MBD5: variants seen among roughly 807,000 people sequenced by gnomAD.
The protein encoded by MBD5 is methyl-CpG-binding domain protein 5.
MBD5 carries 13 observed loss-of-function variants against 117.3 expected under a neutral mutation model. That is an observed-to-expected ratio of 0.11 (90% CI 0.07 to 0.18). MBD5 has a LOEUF of 0.18. Ranked by LOEUF, MBD5 falls within the 10% of genes least tolerant of loss-of-function variation. The probability of loss-of-function intolerance (pLI) is 1.00; values close to 1 mark genes in which losing one functional copy is unlikely to be tolerated. For synonymous variants in MBD5, 727 were observed against 766.4 expected (o/e 0.95, Z 0.85); for missense variants, 1,879 against 2,093.8 (o/e 0.90, Z 2.00).
chr2:148,023,552 C>T (rs1693823804), intron 1 of MBD5, among the ~76,000 whole-genome samples: 1 of 152,124 alleles, frequency 6.6e-6, no homozygotes, highest in African/African-American at 2.4e-5. Context: ...AAGTTTTTCT[C>T]CCAACATCAA....
intron 11 of MBD5, 51 bp from the exon 12 acceptor site, chr2:148,502,385 T>G: frequency 6.4e-7 from 1 of 1,563,084 alleles, no homozygotes; most frequent in Non-Finnish European, 8.8e-7. Flanking sequence ...AAACCGTGTT[T>G]AACAATTACA....
intron 3 of MBD5, among the ~76,000 whole-genome samples, chr2:148,245,413 G>A (rs973409491): frequency 6.6e-6 from 1 of 151,956 alleles, no homozygotes; most frequent in East Asian, 1.9e-4. Flanking sequence ...TTTTAATAGA[G>A]ATAGGACAAA....
chr2:148,436,375 T>G (rs115266252), intron 4 of MBD5, among the ~76,000 whole-genome samples: 5,059 of 152,212 alleles, frequency 0.033, 244 homozygotes, highest in African/African-American at 0.11. Flanking sequence ...TGTTTTGTTT[T>G]GTTTGGTTTT....
chr2:148,351,827 T>C (rs1201467546), intron 4 of MBD5, among the ~76,000 whole-genome samples: 1 of 152,054 alleles, frequency 6.6e-6, no homozygotes, highest in East Asian at 1.9e-4. Context: ...TATTGCTGCT[T>C]CTCTCTACCC....
rs1702041448 is a variant in MBD5, at chr2:148,311,917, T to G, written c.-679-30297T>G. 2.0e-5 allele frequency among the ~76,000 whole-genome samples: 3 copies of G among 152,222 alleles called. No homozygotes were observed. In the South Asian group the frequency reaches 6.2e-4, roughly 31 times the overall value. ...TCTCCTTCGCTTTGGAAGCTTAGTT[T>G]GGTTGCATATGAAATTTTGGGTTGA... On this transcript the variant is annotated intron_variant, in intron 3 of 13. Coordinates refer to ENST00000642680, the MANE Select transcript of MBD5 (RefSeq NM_001378120.1).
At chr2:148,075,672 G>T (rs1345582455) in intron 1 of MBD5, among the ~76,000 whole-genome samples, 3 of 151,132 alleles carry the variant, frequency 2.0e-5, no homozygotes, top group Non-Finnish European at 4.4e-5. Flanking sequence ...TTTGAATCAG[G>T]ATCTAAATAA....
chr2:148,371,175 A>G (rs1703841904), intron 4 of MBD5, among the ~76,000 whole-genome samples: 3 of 152,302 alleles, frequency 2.0e-5, no homozygotes, highest in East Asian at 1.9e-4. Flanking sequence ...TTTAAAGTCT[A>G]CATTTAAAAT....
intron 1 of MBD5, 152 bp downstream of exon 1, chr2:148,021,836 G>A (rs1693750037): frequency 5.5e-6 from 1 of 180,474 alleles, no homozygotes; most frequent in East Asian, 1.7e-4. Flanking sequence ...GTAGGGAGGG[G>A]TGTGTGAGGT....
chr2:148,405,011 G>T (rs1356785929), intron 4 of MBD5, among the ~76,000 whole-genome samples: 2 of 151,762 alleles, frequency 1.3e-5, no homozygotes, highest in Non-Finnish European at 2.9e-5. Context: ...ATATCTTTAG[G>T]CTTTTAATTT....
At chr2:148,064,429 TTAAG>T (rs2105020410) in intron 1 of MBD5, among the ~76,000 whole-genome samples, 1 of 152,202 alleles carries the variant, frequency 6.6e-6, no homozygotes, top group South Asian at 2.1e-4. Context: ...CCAGCTGTCT[TTAAG>T]TACCGCCACT....
intron 1 of MBD5, among the ~76,000 whole-genome samples, chr2:148,097,788 T>C (rs1214834033): frequency 1.3e-5 from 2 of 152,168 alleles, no homozygotes; most frequent in Admixed American, 6.5e-5. Flanking sequence ...CCAGAAGCCA[T>C]AGCATTTAAA....
chr2:148,154,701 G>A (rs945098180), intron 1 of MBD5, among the ~76,000 whole-genome samples: 2 of 152,166 alleles, frequency 1.3e-5, no homozygotes, highest in Non-Finnish European at 2.9e-5. Context: ...TTTTCCAGGT[G>A]TGTCCGTCAC....
chr2:148,361,833 T>G (rs1489593123), intron 4 of MBD5, among the ~76,000 whole-genome samples: 2 of 152,092 alleles, frequency 1.3e-5, no homozygotes, highest in African/African-American at 2.4e-5. Flanking sequence ...CTCATCTCAT[T>G]GGAACTAGTT....
At chr2:148,147,407 A>G (rs941187325) in intron 1 of MBD5, among the ~76,000 whole-genome samples, 7 of 149,834 alleles carry the variant, frequency 4.7e-5, no homozygotes, top group Non-Finnish European at 1.0e-4. Context: ...CCACCCTGCT[A>G]ATTTTTGTAT....
chr2:148,363,758 C>G (rs899067839), intron 4 of MBD5, among the ~76,000 whole-genome samples: 1 of 151,828 alleles, frequency 6.6e-6, no homozygotes, highest in African/African-American at 2.4e-5. Flanking sequence ...GATTGAAGAT[C>G]AACTTAATGA....
intron 1 of MBD5, among the ~76,000 whole-genome samples, chr2:148,108,541 G>GA (rs565338299): frequency 0.032 from 3,669 of 116,204 alleles, 96 homozygotes; most frequent in African/African-American, 0.077. Flanking sequence ...AAGAAAAAAA[G>GA]AAAAAAAAAA....
At chr2:148,144,405 C>T (rs1280515624) in intron 1 of MBD5, among the ~76,000 whole-genome samples, 2 of 151,922 alleles carry the variant, frequency 1.3e-5, no homozygotes, top group Non-Finnish European at 2.9e-5. Context: ...GTTGCCTGTT[C>T]ACTCTGATGG....
chr2:148,389,186 GGTGTGTGT>G lies in MBD5; in HGVS notation c.-557+46881_-557+46888del, dbSNP rs70995313. 7.7e-3 allele frequency among the ~76,000 whole-genome samples: 686 copies of G among 89,534 alleles called. 10 individuals are homozygous for G. The highest frequency in any genetic ancestry group is 0.027 in the East Asian group (80 of 2,986). 58.7% of individuals were successfully genotyped at this position (89,534 alleles called of 152,430 possible). A position where few individuals can be genotyped will look rare whatever the true frequency, so the allele number is the denominator to read the frequency against. On this transcript the variant is annotated intron_variant, in intron 4 of 13. Transcript: ENST00000642680. Reference sequence around the variant, plus strand: ...TTTTTATGGCTCCATAGTATTCCGTGGTGTGTGTGTGTGTGTGTGTGTGTGTGTGTGTG... The same window carrying G: ...TTTTTATGGCTCCATAGTATTCCGTGGTGTGTGTGTGTGTGTGTGTGTGTG...
At chr2:148,072,607 C>A (rs1347112937) in intron 1 of MBD5, among the ~76,000 whole-genome samples, 1 of 152,096 alleles carries the variant, frequency 6.6e-6, no homozygotes, top group African/African-American at 2.4e-5. Context: ...ATACGACGTG[C>A]CTCTTCAGTT....
Sources: gnomAD v4.1 joint callset for allele counts (sites outside exome capture counted in the v4.1 genomes callset) on GRCh38, gnomAD v4.1.1 for gene constraint, MANE v1.5 for transcripts, NCBI Gene and HGNC (gene_info 2026-07-23, HGNC 2026-07-21) for gene names.